Variants in TTLL11 observed in about 807,000 individuals in gnomAD.
The protein encoded by TTLL11 is tubulin polyglutamylase TTLL11.
TTLL11 carries 42 observed loss-of-function variants against 51.7 expected under a neutral mutation model. That is an observed-to-expected ratio of 0.81 (90% CI 0.64 to 1.05). TTLL11 has a LOEUF of 1.05. TTLL11 is among the 50% of genes least tolerant of loss of function. The pLI, the probability that TTLL11 is intolerant of heterozygous loss-of-function variation, is 0.00. For synonymous variants in TTLL11, 381 were observed against 383.5 expected (o/e 0.99, Z 0.08); for missense variants, 799 against 940.4 (o/e 0.85, Z 1.97).
intron 1 of TTLL11, among the ~76,000 whole-genome samples, chr9:122,071,155 C>T (rs961647978): frequency 1.3e-5 from 2 of 152,152 alleles, no homozygotes. Context: ...ATGGCTTGTT[C>T]CCTTCCCCTT....
At chr9:122,080,629 G>T (rs781061869) in intron 1 of TTLL11, among the ~76,000 whole-genome samples, 10 of 152,126 alleles carry the variant, frequency 6.6e-5, no homozygotes, top group South Asian at 2.1e-4. Context: ...GGAGTTCAAG[G>T]GTGCAGTGAG....
At chr9:122,017,772 G>A (rs904275120) in intron 3 of TTLL11, among the ~76,000 whole-genome samples, 2 of 151,988 alleles carry the variant, frequency 1.3e-5, no homozygotes, top group African/African-American at 4.8e-5. Context: ...ACAGGGTAAG[G>A]ATTTTTAAAG....
intron 6 of TTLL11, among the ~76,000 whole-genome samples, chr9:121,899,365 G>GTATATATATACATATA (rs1554766916): frequency 3.8e-4 from 43 of 113,206 alleles, no homozygotes; most frequent in Non-Finnish European, 7.6e-4. Flanking sequence ...ATGTGTGTGT[G>GTATATATATACATATA]TATATATATA....
intron 8 of TTLL11, among the ~76,000 whole-genome samples, chr9:121,842,924 C>T (rs1194718782): frequency 1.3e-5 from 2 of 152,166 alleles, no homozygotes; most frequent in African/African-American, 4.8e-5. Context: ...CCTCTCTGAG[C>T]CTTAGCTTTC....
intron 1 of TTLL11, among the ~76,000 whole-genome samples, chr9:122,069,910 G>A (rs1006010334): frequency 6.6e-6 from 1 of 151,316 alleles, no homozygotes; most frequent in African/African-American, 2.4e-5. Context: ...TGGCACCGCT[G>A]GCCCCACCTT....
rs1564354244 is a variant in TTLL11 at position 122,007,009 on chromosome 9, A to AC, written c.694-17240dup. The stretch of plus-strand genomic sequence containing the variant: ...AAAAAAAAAAAAAAAAAAAAAAAAA[A>AC]CTTTTCCTTATTTTTCTGCTTTAGC... On this transcript the variant is annotated intron_variant, in intron 3 of 8. Coordinates refer to ENST00000321582, the MANE Select transcript of TTLL11 (RefSeq NM_001139442.2). Among the ~76,000 whole-genome samples, 108 of 144,484 alleles carry AC rather than the reference A, an allele frequency of 7.5e-4. 1 individual carries two copies. The highest frequency in any genetic ancestry group is 2.6e-3 in the African/African-American group (101 of 39,164). 94.8% of individuals were successfully genotyped at this position (144,484 alleles called of 152,430 possible).
At chr9:121,996,114 A>T (rs762857926) in intron 3 of TTLL11, among the ~76,000 whole-genome samples, 12 of 151,728 alleles carry the variant, frequency 7.9e-5, no homozygotes, top group African/African-American at 1.2e-4. Context: ...TTTGGGGCTG[A>T]CCCCCTGCAT....
In TTLL11 at chr9:121,892,091, ATATC is replaced by A. The variant is rs747512029; in HGVS notation, c.1482-21347_1482-21344del. 6.8e-5 allele frequency among the ~76,000 whole-genome samples: 10 copies of A among 147,858 alleles called. No individual in the cohort carries two copies. In the East Asian group the frequency reaches 1.2e-3, roughly 17 times the overall value. On this transcript the variant is annotated intron_variant, in intron 6 of 8. Transcript: ENST00000321582. Reference sequence around the variant, plus strand: ...ATAAACTATATATGTAGTGATGATAATATCTATCAATTATGAAAGTTAAAAAGTC... The same window carrying A: ...ATAAACTATATATGTAGTGATGATAATATCAATTATGAAAGTTAAAAAGTC...
chr9:121,915,494 C>G (rs1840290076), intron 6 of TTLL11, among the ~76,000 whole-genome samples: 1 of 152,126 alleles, frequency 6.6e-6, no homozygotes, highest in Admixed American at 6.5e-5. Context: ...CCCATCACAT[C>G]GTATTCTAAT....
chr9:122,026,214 G>A (rs1454359877), intron 3 of TTLL11, among the ~76,000 whole-genome samples: 2 of 152,060 alleles, frequency 1.3e-5, no homozygotes, highest in African/African-American at 2.4e-5. Context: ...TGAGGCAGGC[G>A]GATCACTTGA....
chr9:121,936,367 G>A (rs571357784), intron 6 of TTLL11, among the ~76,000 whole-genome samples: 69 of 151,896 alleles, frequency 4.5e-4, no homozygotes, highest in Non-Finnish European at 7.9e-4. Flanking sequence ...AGGTTCAAGT[G>A]ATCCTCCTCA....
intron 2 of TTLL11, among the ~76,000 whole-genome samples, chr9:122,038,103 T>C (rs1844752047): frequency 6.6e-6 from 1 of 152,178 alleles, no homozygotes; most frequent in Admixed American, 6.5e-5. Context: ...ATGAGTAAAC[T>C]TGCTTAAGGT....
At chr9:121,880,322 G>GCCTCCCTCATCCTCCACATCCACATC (rs1478869478) in intron 6 of TTLL11, among the ~76,000 whole-genome samples, 6 of 152,134 alleles carry the variant, frequency 3.9e-5, no homozygotes, top group Admixed American at 3.9e-4. Context: ...CCTGGTTGCT[G>GCCTCCCTCATCCTCCACATCCACATC]CCTCCCTCAT....
intron 1 of TTLL11, among the ~76,000 whole-genome samples, chr9:122,053,345 A>T (rs2131853024): frequency 6.6e-6 from 1 of 152,262 alleles, no homozygotes; most frequent in South Asian, 2.1e-4. Flanking sequence ...GCAAAGGAAG[A>T]GACGAAGGGA....
chr9:122,006,357 T>A (rs1843643731), intron 3 of TTLL11, among the ~76,000 whole-genome samples: 1 of 149,190 alleles, frequency 6.7e-6, no homozygotes, highest in African/African-American at 2.6e-5. Context: ...AAAAAAAGAA[T>A]TATGTAAAGA....
rs1837861789 is a variant in TTLL11, at chr9:121,857,426, G to A, written c.1840+2911C>T. ...TGCCTTCTTTTGCTGCTCCCTGGCT[G>A]TGGGAGTTTAGACAAGTCACTTTTG... is the stretch of plus-strand genomic sequence containing the variant. On this transcript the variant is annotated intron_variant, in intron 8 of 8. Transcript: ENST00000321582. Among the ~76,000 whole-genome samples, 4 of 152,218 alleles carry A rather than the reference G, an allele frequency of 2.6e-5. No homozygotes were observed. In the South Asian group the frequency reaches 8.3e-4, roughly 32 times the overall value.
intron 3 of TTLL11, among the ~76,000 whole-genome samples, chr9:122,011,065 G>A (rs1311096360): frequency 6.6e-6 from 1 of 152,146 alleles, no homozygotes; most frequent in Non-Finnish European, 1.5e-5. Context: ...GAATCATGGG[G>A]TCAGTTTTCC....
intron 1 of TTLL11, among the ~76,000 whole-genome samples, chr9:122,062,118 G>A (rs550251574): frequency 6.6e-6 from 1 of 152,268 alleles, no homozygotes; most frequent in African/African-American, 2.4e-5. Context: ...GGCACATCCT[G>A]CTATATTAAA....
At chr9:121,933,300 C>T (rs1412910550) in intron 6 of TTLL11, among the ~76,000 whole-genome samples, 1 of 151,962 alleles carries the variant, frequency 6.6e-6, no homozygotes, top group Non-Finnish European at 1.5e-5. Flanking sequence ...ACGGTAAGAG[C>T]GAGGAGAGGT....
Sources: allele counts gnomAD v4.1 joint callset (sites outside exome capture counted in the v4.1 genomes callset), GRCh38; gene constraint gnomAD v4.1.1; transcripts MANE v1.5; gene names NCBI Gene and HGNC (gene_info 2026-07-23, HGNC 2026-07-21).